Variants in DSG3 observed in about 807,000 individuals in gnomAD.
DSG3 encodes the protein desmoglein 3, also known as desmoglein-3.
Under a neutral mutation model 85.9 loss-of-function variants are expected in DSG3, and 63 were observed. The ratio of observed to expected loss-of-function variants is 0.73; its 90% CI spans 0.60 to 0.90. The LOEUF is 0.90. DSG3 is among the 40% of genes least tolerant of loss of function. The pLI, the probability that DSG3 is intolerant of heterozygous loss-of-function variation, is 0.00. For synonymous variants in DSG3, 447 were observed against 441.9 expected, an observed-to-expected ratio of 1.01 and a Z score of -0.14; for missense variants, 1,220 against 1,219.9, an observed-to-expected ratio of 1.00 and a Z score of 0.00.
chr18:31,467,277 G>T (rs893880142), intron 11 of DSG3, among the ~76,000 whole-genome samples: 1 of 152,126 alleles, frequency 6.6e-6, no homozygotes, highest in Non-Finnish European at 1.5e-5. Context: ...GGAGGTGGAG[G>T]TTGCAGTGAG....
intron 11 of DSG3, 81 bp from the exon 12 acceptor site, chr18:31,469,008 T>G: frequency 3.9e-6 from 6 of 1,541,298 alleles, no homozygotes; most frequent in African/African-American, 1.4e-5. Context: ...ATCCAGTCTG[T>G]GATATTCTGT....
At chr18:31,465,074 G>C (rs373233026) in intron 9 of DSG3, among the ~76,000 whole-genome samples, 31 of 150,344 alleles carry the variant, frequency 2.1e-4, no homozygotes, top group African/African-American at 7.1e-4. Context: ...GTGGTGAGCC[G>C]AGATGGCACC....
At chr18:31,450,429 A>G (rs1180105964) in intron 1 of DSG3, among the ~76,000 whole-genome samples, 4 of 152,232 alleles carry the variant, frequency 2.6e-5, no homozygotes, top group Non-Finnish European at 5.9e-5. Flanking sequence ...GTGAAGGCTC[A>G]TGGAAACCTT....
intron 1 of DSG3, among the ~76,000 whole-genome samples, chr18:31,455,083 C>T (rs1305732145): frequency 1.3e-5 from 2 of 151,644 alleles, no homozygotes; most frequent in Admixed American, 6.6e-5. Flanking sequence ...TAGGCTACTG[C>T]GGTCGCTATC....
chr18:31,450,564 T>G (rs2072705586), intron 1 of DSG3, among the ~76,000 whole-genome samples: 1 of 152,174 alleles, frequency 6.6e-6, no homozygotes. Flanking sequence ...GTTCTGAAAG[T>G]TGGCAGATGT....
chr18:31,469,286 C>T lies in DSG3; in HGVS notation c.1834C>T (p.His612Tyr). The change falls in exon 12 of 16, where the codon CAC becomes TAC. Residue 612 changes from histidine to tyrosine, a missense_variant. Transcript: ENST00000257189. The part of the protein sequence containing the change: ...TSPGTRYGRP[H>Y]SGRLGPAAIG... Reference sequence around the variant, plus strand: ...CCCTGGGACCAGGTATGGCAGGCCGCACTCAGGGAGGCTGGGGCCTGCCGC... The same window carrying T: ...CCCTGGGACCAGGTATGGCAGGCCGTACTCAGGGAGGCTGGGGCCTGCCGC... 1 of 1,614,022 alleles carries T rather than the reference C, an allele frequency of 6.2e-7. No individual in the cohort carries two copies. The highest frequency in any genetic ancestry group is 8.5e-7 in the Non-Finnish European group (1 of 1,180,030).
In DSG3 at chr18:31,474,250, G is replaced by A; in HGVS notation, c.2231G>A (p.Gly744Glu). ...AAGFATGTVS[G>E]AASGFGAATG... ...GGCTTTGCAACAGGGACAGTGTCAGGAGCTGCTTCAGGATTCGGAGCAGCC... is the reference window on the plus strand; with the variant it reads ...GGCTTTGCAACAGGGACAGTGTCAGAAGCTGCTTCAGGATTCGGAGCAGCC... Residue 744 changes from glycine (G) to glutamate (E), a missense_variant, in exon 15 of 16, where the codon GGA becomes GAA. Transcript: ENST00000257189. 1 of 1,614,126 alleles carries A rather than the reference G, an allele frequency of 6.2e-7. No individual in the cohort carries two copies. The highest frequency in any genetic ancestry group is 8.5e-7 in the Non-Finnish European group (1 of 1,180,032).
intron 5 of DSG3, 60 bp from the exon 6 acceptor site, chr18:31,459,785 A>T: frequency 1.4e-6 from 2 of 1,460,356 alleles, no homozygotes; most frequent in Non-Finnish European, 1.9e-6. Context: ...TGGAATATTT[A>T]AAGTAAACAT....
In DSG3 at chr18:31,452,900, T is replaced by C. The variant is rs532791553; in HGVS notation, c.49-3540T>C. Reference sequence around the variant, plus strand: ...TAAGAATATCCAGGGATATTTATTTTTCTTAGCATTCTGTCATGATACAAG... The same window carrying C: ...TAAGAATATCCAGGGATATTTATTTCTCTTAGCATTCTGTCATGATACAAG... On this transcript the variant is annotated intron_variant, in intron 1 of 15. Transcript: ENST00000257189. Among the ~76,000 whole-genome samples the C allele has an allele frequency of 5.9e-5, 9 of 152,314 alleles. No individual in the cohort carries two copies. In the South Asian group the frequency reaches 1.9e-3, roughly 32 times the overall value.
At chr18:31,463,519 A>C (rs1337034768) in intron 8 of DSG3, among the ~76,000 whole-genome samples, 1 of 152,198 alleles carries the variant, frequency 6.6e-6, no homozygotes, top group Non-Finnish European at 1.5e-5. Context: ...AAGGGGATCA[A>C]ACAAATGGCT....
rs538751638 is a variant in DSG3 at position 31,466,559 on chromosome 18, G to T, written c.1441G>T (p.Val481Leu). Residue 481 changes from valine to leucine, a missense_variant, in exon 11 of 16, where the codon GTA (valine) becomes TTA (leucine). Physicochemically the swap from Val to Leu is conservative, Grantham distance 32. Coordinates refer to ENST00000257189, the MANE Select transcript of DSG3 (RefSeq NM_001944.3). The part of the protein sequence containing the change: ...EYTGKTSTGT[V>L]YVRVPDFNDN... ...CACGGGTAAAACTTCTACAGGCACG[G>T]TATATGTTAGAGTACCCGATTTCAA... 1 of 1,614,194 alleles carries T rather than the reference G, an allele frequency of 6.2e-7. No homozygotes were observed. Among genetic ancestry groups the T allele is most frequent in the South Asian group, 1.1e-5 (1 of 91,080 alleles).
chr18:31,462,184 C>T (rs1004036834), intron 8 of DSG3, among the ~76,000 whole-genome samples: 1 of 152,062 alleles, frequency 6.6e-6, no homozygotes, highest in Non-Finnish European at 1.5e-5. Context: ...GTGATCCTCC[C>T]ACCTCAGCCT....
chr18:31,461,860 T>C (rs895247677), intron 8 of DSG3, among the ~76,000 whole-genome samples: 5 of 152,188 alleles, frequency 3.3e-5, no homozygotes, highest in Non-Finnish European at 7.3e-5. Context: ...AGAGAATAAA[T>C]GGCAACTCTT....
intron 8 of DSG3, among the ~76,000 whole-genome samples, chr18:31,463,111 C>A (rs987718876): frequency 3.3e-5 from 5 of 152,200 alleles, no homozygotes; most frequent in African/African-American, 9.6e-5. Context: ...ATTCAGCCTG[C>A]AACTGCTTTC....
intron 11 of DSG3, among the ~76,000 whole-genome samples, chr18:31,468,485 G>T (rs2072835602): frequency 6.6e-6 from 1 of 152,150 alleles, no homozygotes; most frequent in Non-Finnish European, 1.5e-5. Flanking sequence ...AGTTTCATGG[G>T]AGAGAATAAT....
chr18:31,473,650 G>T (rs1381305324), intron 14 of DSG3, among the ~76,000 whole-genome samples: 1 of 152,144 alleles, frequency 6.6e-6, no homozygotes, highest in East Asian at 1.9e-4. Flanking sequence ...TAATGTCAAG[G>T]TAACAGGCTG....
At chr18:31,454,675 T>G (rs1246082617) in intron 1 of DSG3, among the ~76,000 whole-genome samples, 1 of 145,504 alleles carries the variant, frequency 6.9e-6, no homozygotes, top group Admixed American at 6.8e-5. Context: ...ATTAGTTTGT[T>G]TTTTTTTTTT....
chr18:31,470,605 T>C (rs2072849749), intron 12 of DSG3, among the ~76,000 whole-genome samples: 1 of 152,132 alleles, frequency 6.6e-6, no homozygotes, highest in South Asian at 2.1e-4. Flanking sequence ...AAAAGGAAAC[T>C]TGATTTTGGT....
intron 13 of DSG3, 24 bp from the exon 14 acceptor site, chr18:31,472,701 A>G (rs2072863358): frequency 6.2e-7 from 1 of 1,612,658 alleles, no homozygotes; most frequent in Non-Finnish European, 8.5e-7. Context: ...TTTTAAATGA[A>G]TTTATTTTTC....
Sources: allele counts gnomAD v4.1 joint callset (sites outside exome capture counted in the v4.1 genomes callset), GRCh38; gene constraint gnomAD v4.1.1; transcripts MANE v1.5; gene names NCBI Gene and HGNC (gene_info 2026-07-23, HGNC 2026-07-21).